Variants in NXPE1 observed in about 807,000 individuals in gnomAD.
NXPE1 encodes the protein neurexophilin and PC-esterase domain family member 1, also known as NXPE family member 1.
NXPE1 carries 31 observed loss-of-function variants against 33.3 expected under a neutral mutation model. That is an observed-to-expected ratio of 0.93 (90% confidence interval 0.70 to 1.26). NXPE1 has a LOEUF of 1.26. NXPE1 is among the 50% of genes most tolerant of loss of function. The probability of loss-of-function intolerance (pLI) is 0.00; values close to 1 mark genes in which losing one functional copy is unlikely to be tolerated. For synonymous variants in NXPE1, 229 were observed against 231.4 expected (o/e 0.99, Z 0.09); for missense variants, 661 against 655.6 (o/e 1.01, Z -0.09).
At chr11:114,535,533 A>G (rs1947782241) in intron 5 of NXPE1, among the ~76,000 whole-genome samples, 1 of 152,132 alleles carries the variant, frequency 6.6e-6, no homozygotes, top group Admixed American at 6.5e-5. Context: ...GTATTCAGGA[A>G]ACCCATCTCA....
At chr11:114,554,057 A>G in intron 1 of NXPE1, 1 of 985,384 alleles carries the variant, frequency 1.0e-6, no homozygotes, top group Non-Finnish European at 1.2e-6. Flanking sequence ...ATCTTTGTGA[A>G]TGGTATCCCA....
chr11:114,537,729 G>A (rs540738710), intron 5 of NXPE1, among the ~76,000 whole-genome samples: 113 of 152,098 alleles, frequency 7.4e-4, no homozygotes, highest in African/African-American at 2.6e-3. Flanking sequence ...TACAAGGGAT[G>A]TGAAGGACCT....
intron 7 of NXPE1, chr11:114,527,199 C>G (rs1310214504): frequency 6.6e-6 from 1 of 152,440 alleles, no homozygotes; most frequent in African/African-American, 2.4e-5. Flanking sequence ...TCCCTCAAAC[C>G]TTGTTATGAC....
intron 5 of NXPE1, 56 bp from the exon 6 acceptor site, chr11:114,530,964 CTTATTATGAGT>C: frequency 6.8e-7 from 1 of 1,466,696 alleles, no homozygotes; most frequent in East Asian, 2.3e-5. Flanking sequence ...ATCATTTTTA[CTTATTATGAGT>C]TTGAATATTT....
intron 7 of NXPE1, among the ~76,000 whole-genome samples, chr11:114,525,580 A>G (rs749319625): frequency 6.6e-6 from 1 of 151,960 alleles, no homozygotes; most frequent in Non-Finnish European, 1.5e-5. Context: ...CCCCCTTACT[A>G]TTCTTAAAAT....
intron 5 of NXPE1, among the ~76,000 whole-genome samples, chr11:114,533,679 T>TAGAG (rs1947677296): frequency 6.6e-6 from 1 of 152,190 alleles, no homozygotes; most frequent in Non-Finnish European, 1.5e-5. Flanking sequence ...CACGGAGCCT[T>TAGAG]GCTCATTGCT....
intron 5 of NXPE1, among the ~76,000 whole-genome samples, chr11:114,536,186 G>T (rs1591277594): frequency 6.6e-6 from 1 of 152,176 alleles, no homozygotes; most frequent in East Asian, 1.9e-4. Flanking sequence ...ATGACTACTG[G>T]GTACATAATG....
At chr11:114,536,613 C>T (rs145797345) in intron 5 of NXPE1, among the ~76,000 whole-genome samples, 9,617 of 152,064 alleles carry the variant, frequency 0.063, 1,031 homozygotes, top group African/African-American at 0.22. Flanking sequence ...ACCACCGATC[C>T]CACAGAAATA....
At chr11:114,534,799 G>A (rs1171529744) in intron 5 of NXPE1, among the ~76,000 whole-genome samples, 10 of 152,148 alleles carry the variant, frequency 6.6e-5, no homozygotes, top group East Asian at 1.9e-4. Context: ...CCAAATCTAC[G>A]TCTAATTGGT....
intron 5 of NXPE1, among the ~76,000 whole-genome samples, chr11:114,545,761 T>C (rs1483914709): frequency 2.0e-5 from 3 of 151,310 alleles, no homozygotes; most frequent in Non-Finnish European, 4.4e-5. Flanking sequence ...TGAACTCAGC[T>C]CACTGTAACC....
At chr11:114,542,746 A>G (rs1948143954) in intron 5 of NXPE1, among the ~76,000 whole-genome samples, 1 of 152,192 alleles carries the variant, frequency 6.6e-6, no homozygotes, top group South Asian at 2.1e-4. Context: ...ATTTACCAAG[A>G]AAAAAGTAAA....
At chr11:114,520,569 T>A (rs1001933647), downstream of NXPE1, among the ~76,000 whole-genome samples, 2 of 152,242 alleles carry the variant, frequency 1.3e-5, no homozygotes, top group African/African-American at 4.8e-5. Context: ...AATGCTGCAG[T>A]GAGCATGAGA....
intron 5 of NXPE1, among the ~76,000 whole-genome samples, chr11:114,533,405 G>T (rs1047095226): frequency 6.6e-6 from 1 of 152,178 alleles, no homozygotes; most frequent in Non-Finnish European, 1.5e-5. Flanking sequence ...TGAGGTACTT[G>T]GTTCATCTCA....
chr11:114,552,860 T>C (rs76050945), exon 2 of NXPE1: 1 of 977,106 alleles, frequency 1.0e-6, no homozygotes, highest in Non-Finnish European at 1.2e-6. Flanking sequence ...ACCCAATAGG[T>C]GTCAGGTAGC....
chr11:114,559,818 A>G (rs896739982), exon 1 of NXPE1: 4 of 152,250 alleles, frequency 2.6e-5, no homozygotes, highest in African/African-American at 9.7e-5. Context: ...GATCTCTCCT[A>G]TCTGGGTGGC....
exon 8 of NXPE1, chr11:114,523,083 T>G: frequency 1.9e-6 from 3 of 1,611,780 alleles, no homozygotes; most frequent in Non-Finnish European, 2.5e-6. Flanking sequence ...TCTTCTATTT[T>G]TTCTCTCTCT....
chr11:114,532,216 G>A (rs1947610638), intron 5 of NXPE1, among the ~76,000 whole-genome samples: 1 of 152,094 alleles, frequency 6.6e-6, no homozygotes, highest in South Asian at 2.1e-4. Flanking sequence ...AAGACAATGA[G>A]ATATCATTTA....
intron 7 of NXPE1, among the ~76,000 whole-genome samples, chr11:114,523,421 A>T (rs1947276180): frequency 1.3e-5 from 2 of 152,248 alleles, no homozygotes; most frequent in South Asian, 4.2e-4. Context: ...TCTCTTACCC[A>T]AATGATGTTA....
At chr11:114,521,384 A>G (rs1189925331), downstream of NXPE1, among the ~76,000 whole-genome samples, 1 of 152,166 alleles carries the variant, frequency 6.6e-6, no homozygotes, top group Non-Finnish European at 1.5e-5. Context: ...TCTATGGCCA[A>G]TGAAGAGACT....
Sources: allele counts gnomAD v4.1 joint callset (sites outside exome capture counted in the v4.1 genomes callset), GRCh38; gene constraint gnomAD v4.1.1; transcripts MANE v1.5; gene names NCBI Gene and HGNC (gene_info 2026-07-23, HGNC 2026-07-21).